SUGCT: variants seen among roughly 807,000 people sequenced by gnomAD.
SUGCT encodes the protein succinyl-CoA:glutarate-CoA transferase, also known as succinyl-CoA:glutarate CoA-transferase.
SUGCT carries 41 observed loss-of-function variants against 55.0 expected under a neutral mutation model. The observed-to-expected ratio is 0.74, with a 90% CI of 0.58 to 0.97. SUGCT has a LOEUF of 0.97. Among genes scored for constraint, SUGCT ranks in the 50% least tolerant of loss-of-function variants. SUGCT has a pLI of 0.00. For synonymous variants in SUGCT, 187 were observed against 200.4 expected (o/e 0.93, Z 0.56); for missense variants, 568 against 547.8 (o/e 1.04, Z -0.37).
rs57586466 is a variant in SUGCT, at chr7:40,843,508, C to CAAAAAAAAAAA, written c.1154-16807_1154-16797dup. On this transcript the variant is annotated intron_variant, in intron 13 of 13. Coordinates refer to ENST00000335693, the MANE Select transcript of SUGCT (RefSeq NM_001193313.2). ...CTAGCAACAGAGAGAGACTCTGTCT[C>CAAAAAAAAAAA]AAAAAAAAAAAGTTGAAGTGAGTCA... Among the ~76,000 whole-genome samples the CAAAAAAAAAAA allele has an allele frequency of 5.5e-4, 70 of 127,872 alleles. 1 individual carries two copies. The highest frequency in any genetic ancestry group is 4.7e-3 in the Admixed American group (57 of 12,176). The allele number at this position is 127,872 out of a possible 152,430, so 83.9% of individuals were successfully genotyped here. A position where few individuals can be genotyped will look rare whatever the true frequency, so the allele number is the denominator to read the frequency against.
intron 1 of SUGCT, among the ~76,000 whole-genome samples, chr7:40,174,675 T>C (rs1459475963): frequency 2.0e-5 from 3 of 152,178 alleles, no homozygotes; most frequent in African/African-American, 4.8e-5. Flanking sequence ...AAGTTGATTA[T>C]AAAACATCTA....
rs80302380 is a variant in SUGCT at position 40,195,528 on chromosome 7, C to T, written c.484+468C>T. Among the ~76,000 whole-genome samples the T allele has an allele frequency of 5.7e-3, 866 of 151,722 alleles. 6 individuals are homozygous for T. Among genetic ancestry groups the T allele is most frequent in the African/African-American group, 0.019 (805 of 41,398 alleles). On this transcript the variant is annotated intron_variant, in intron 6 of 13. Transcript: ENST00000335693. ...GAGCCACCACGTCCGGCCTTGGCTG[C>T]TGAACATTATTAAGAAACATTAACC...
chr7:40,182,072 A>C, intron 3 of SUGCT, 44 bp downstream of exon 3: 1 of 1,119,548 alleles, frequency 8.9e-7, no homozygotes, highest in Non-Finnish European at 1.3e-6. Flanking sequence ...AAGCTAATAA[A>C]TATTTTAAAA....
At chr7:40,486,090 A>G (rs560796547) in intron 11 of SUGCT, among the ~76,000 whole-genome samples, 25 of 152,100 alleles carry the variant, frequency 1.6e-4, no homozygotes, top group Non-Finnish European at 2.9e-4. Flanking sequence ...AATAATTGGT[A>G]TTTGTTCTTT....
intron 13 of SUGCT, among the ~76,000 whole-genome samples, chr7:40,762,054 C>T (rs1356714672): frequency 6.6e-6 from 1 of 152,126 alleles, no homozygotes; most frequent in African/African-American, 2.4e-5. Context: ...GTGGGCTCAG[C>T]CCCCACCAGA....
At chr7:40,429,513 C>T (rs994443430) in intron 9 of SUGCT, among the ~76,000 whole-genome samples, 4 of 152,200 alleles carry the variant, frequency 2.6e-5, no homozygotes, top group Non-Finnish European at 4.4e-5. Flanking sequence ...AGCCAACCTT[C>T]AGTCTGTGGT....
chr7:40,287,282 T>C (rs2151035623), intron 8 of SUGCT, among the ~76,000 whole-genome samples: 1 of 152,308 alleles, frequency 6.6e-6, no homozygotes. Flanking sequence ...TGTGTGAGAT[T>C]ACATCATCTG....
chr7:40,224,399 C>CGTGT lies in SUGCT; in HGVS notation c.485-13208_485-13205dup, dbSNP rs61318990. On this transcript the variant is annotated intron_variant, in intron 6 of 13. Transcript: ENST00000335693. ...CTTCTAGGATTTAGGATAATCTGTG[C>CGTGT]GTGTGTGTGTGTGTGTGTGTGTGTG... Among the ~76,000 whole-genome samples the CGTGT allele has an allele frequency of 2.4e-3, 355 of 145,468 alleles. 1 individual carries two copies. Among genetic ancestry groups the CGTGT allele is most frequent in the South Asian group, 4.6e-3 (21 of 4,530 alleles).
At chr7:40,760,853 C>T (rs549933874) in intron 13 of SUGCT, among the ~76,000 whole-genome samples, 1 of 152,082 alleles carries the variant, frequency 6.6e-6, no homozygotes, top group Non-Finnish European at 1.5e-5. Context: ...AGACCAAATA[C>T]TCACTGCAAC....
intron 9 of SUGCT, among the ~76,000 whole-genome samples, chr7:40,346,782 C>T (rs1455473410): frequency 6.6e-6 from 1 of 152,088 alleles, no homozygotes; most frequent in Non-Finnish European, 1.5e-5. Context: ...TAGTGTTCTT[C>T]CAAGAAGAGA....
At chr7:40,897,060 A>C in the SUGCT span, among the ~76,000 whole-genome samples, 1 of 152,218 alleles carries the variant, frequency 6.6e-6, no homozygotes, top group East Asian at 1.9e-4. Flanking sequence ...CCACACCTTT[A>C]TGGTCATTTG....
chr7:40,858,546 A>G (rs1362232090), intron 13 of SUGCT, among the ~76,000 whole-genome samples: 1 of 152,126 alleles, frequency 6.6e-6, no homozygotes, highest in African/African-American at 2.4e-5. Context: ...TGCTTCAAGC[A>G]GTTCTTCTTT....
intron 12 of SUGCT, among the ~76,000 whole-genome samples, chr7:40,685,201 A>G (rs1784414873): frequency 1.3e-5 from 2 of 152,058 alleles, no homozygotes; most frequent in Admixed American, 1.3e-4. Context: ...CTTCATTCAT[A>G]CACTGCTTAA....
the SUGCT span, among the ~76,000 whole-genome samples, chr7:41,030,902 A>G: frequency 6.6e-6 from 1 of 152,162 alleles, no homozygotes; most frequent in Non-Finnish European, 1.5e-5. Context: ...GATTACTCAT[A>G]GTTGGAGGAC....
At chr7:40,817,693 G>A (rs17688549) in intron 13 of SUGCT, among the ~76,000 whole-genome samples, 13,283 of 152,162 alleles carry the variant, frequency 0.087, 673 homozygotes, top group Middle Eastern at 0.17. Flanking sequence ...CATATATATA[G>A]TTCTTCAGAC....
chr7:40,365,171 A>T (rs970870742), intron 9 of SUGCT, among the ~76,000 whole-genome samples: 12 of 152,246 alleles, frequency 7.9e-5, no homozygotes, highest in Admixed American at 6.5e-4. Flanking sequence ...CCACATGATT[A>T]TCTCAATAGA....
At chr7:40,163,910 G>T (rs545593898) in intron 1 of SUGCT, among the ~76,000 whole-genome samples, 7 of 150,808 alleles carry the variant, frequency 4.6e-5, no homozygotes, top group Non-Finnish European at 8.8e-5. Flanking sequence ...CAGTCTCCAC[G>T]TCCTGGGTTT....
At chr7:40,813,365 G>C (rs1791515920) in intron 13 of SUGCT, among the ~76,000 whole-genome samples, 1 of 152,068 alleles carries the variant, frequency 6.6e-6, no homozygotes, top group Non-Finnish European at 1.5e-5. Context: ...ATGTCTAAAA[G>C]TACTTGTTTT....
At chr7:40,651,570 G>C (rs763844435) in intron 12 of SUGCT, among the ~76,000 whole-genome samples, 1 of 151,742 alleles carries the variant, frequency 6.6e-6, no homozygotes, top group African/African-American at 2.4e-5. Context: ...TTTTTCACTG[G>C]TTTTCCTGTG....
Sources: allele counts gnomAD v4.1 joint callset (sites outside exome capture counted in the v4.1 genomes callset), GRCh38; gene constraint gnomAD v4.1.1; transcripts MANE v1.5; gene names NCBI Gene and HGNC (gene_info 2026-07-23, HGNC 2026-07-21).